MDGA2: variants seen among roughly 807,000 people sequenced by gnomAD.
MDGA2 encodes the protein MAM domain-containing glycosylphosphatidylinositol anchor protein 2.
In MDGA2, 40 loss-of-function variants were observed where a neutral mutation model predicts 117.8. That is an observed-to-expected ratio of 0.34 (90% CI 0.26 to 0.44). The LOEUF (loss-of-function observed/expected upper bound fraction) is 0.44. Among genes scored for constraint, MDGA2 ranks in the 20% least tolerant of loss-of-function variants. The pLI is 1.00. For missense variants in MDGA2, 1,123 were observed against 1,250.6 expected, an observed-to-expected ratio of 0.90 and a Z score of 1.54; for synonymous variants, 452 against 439.0, an observed-to-expected ratio of 1.03 and a Z score of -0.37.
chr14:47,409,366 C>T (rs1018354131), intron 1 of MDGA2, among the ~76,000 whole-genome samples: 9 of 152,116 alleles, frequency 5.9e-5, no homozygotes, highest in Admixed American at 2.6e-4. Flanking sequence ...TATAAAATTT[C>T]GGAGATTCTT....
chr14:47,199,427 A>G (rs1431186403), intron 3 of MDGA2, among the ~76,000 whole-genome samples: 1 of 152,178 alleles, frequency 6.6e-6, no homozygotes, highest in East Asian at 1.9e-4. Context: ...TAAAATATTC[A>G]CTTTCTACTA....
chr14:47,132,657 C>T (rs1222155236), intron 4 of MDGA2, among the ~76,000 whole-genome samples: 1 of 151,876 alleles, frequency 6.6e-6, no homozygotes, highest in Non-Finnish European at 1.5e-5. Flanking sequence ...AATTAGGTCC[C>T]CTGGGCTTTC....
intron 3 of MDGA2, among the ~76,000 whole-genome samples, chr14:47,186,623 T>C (rs576426601): frequency 6.6e-6 from 1 of 152,002 alleles, no homozygotes; most frequent in East Asian, 1.9e-4. Flanking sequence ...GTTTAGGAAA[T>C]TGTCAAGATT....
chr14:47,230,872 A>C (rs567088838), intron 2 of MDGA2, among the ~76,000 whole-genome samples: 1 of 151,990 alleles, frequency 6.6e-6, no homozygotes, highest in Non-Finnish European at 1.5e-5. Flanking sequence ...TGAATCAGAG[A>C]GCATTAACAG....
chr14:47,188,342 C>T (rs990443878), intron 3 of MDGA2, among the ~76,000 whole-genome samples: 1 of 152,202 alleles, frequency 6.6e-6, no homozygotes, highest in Admixed American at 6.5e-5. Context: ...CTCTTGCTTG[C>T]TTGCTCTAAG....
At chr14:47,511,525 A>C (rs2138694399) in intron 1 of MDGA2, among the ~76,000 whole-genome samples, 1 of 152,298 alleles carries the variant, frequency 6.6e-6, no homozygotes, top group South Asian at 2.1e-4. Context: ...CTATTAAATA[A>C]CTAAACTGTT....
intron 14 of MDGA2, among the ~76,000 whole-genome samples, chr14:46,858,919 C>T (rs1270631008): frequency 6.6e-6 from 1 of 152,102 alleles, no homozygotes; most frequent in Non-Finnish European, 1.5e-5. Flanking sequence ...TGTAATCTTT[C>T]TCAGAAGGCT....
chr14:47,141,102 C>G (rs111991684), intron 4 of MDGA2, among the ~76,000 whole-genome samples: 1 of 152,142 alleles, frequency 6.6e-6, no homozygotes, highest in Non-Finnish European at 1.5e-5. Flanking sequence ...GAGCTATCAC[C>G]TCCCTCCCAT....
At chr14:47,097,244 A>T in intron 5 of MDGA2, 121 bp from the exon 6 acceptor site, 2 of 998,530 alleles carry the variant, frequency 2.0e-6, no homozygotes, top group Non-Finnish European at 3.0e-6. Flanking sequence ...CTTTTGCCAA[A>T]ATCATACTGT....
intron 1 of MDGA2, among the ~76,000 whole-genome samples, chr14:47,626,711 C>G (rs1164999368): frequency 6.6e-6 from 1 of 152,178 alleles, no homozygotes; most frequent in Non-Finnish European, 1.5e-5. Context: ...CCAGCAGCTG[C>G]TGTGTTGGAT....
At chr14:47,391,174 T>C (rs1238397109) in intron 1 of MDGA2, among the ~76,000 whole-genome samples, 1 of 152,204 alleles carries the variant, frequency 6.6e-6, no homozygotes, top group Non-Finnish European at 1.5e-5. Context: ...GACCAAACTC[T>C]GGTAACACTT....
At chr14:47,587,856 T>C (rs1480959044) in intron 1 of MDGA2, among the ~76,000 whole-genome samples, 1 of 151,886 alleles carries the variant, frequency 6.6e-6, no homozygotes, top group Non-Finnish European at 1.5e-5. Flanking sequence ...AACTCCATAC[T>C]CAATAACAAT....
intron 1 of MDGA2, among the ~76,000 whole-genome samples, chr14:47,336,670 T>A (rs1890468528): frequency 6.6e-6 from 1 of 151,972 alleles, no homozygotes; most frequent in South Asian, 2.1e-4. Flanking sequence ...ACATTAATAA[T>A]GCAGTAAGAT....
intron 9 of MDGA2, among the ~76,000 whole-genome samples, chr14:46,956,023 C>T (rs959215702): frequency 2.0e-5 from 3 of 152,098 alleles, no homozygotes; most frequent in African/African-American, 7.2e-5. Flanking sequence ...TTCAAAGTTT[C>T]ATCCAGACAT....
At chr14:47,062,399 A>G (rs1363457621) in intron 6 of MDGA2, among the ~76,000 whole-genome samples, 4 of 152,088 alleles carry the variant, frequency 2.6e-5, no homozygotes, top group African/African-American at 9.6e-5. Flanking sequence ...GCATCTATAG[A>G]CTTTCTACTA....
intron 1 of MDGA2, among the ~76,000 whole-genome samples, chr14:47,425,820 T>C (rs1238157541): frequency 6.6e-6 from 1 of 152,128 alleles, no homozygotes; most frequent in African/African-American, 2.4e-5. Context: ...CCAGCTTTCC[T>C]TTATGTAAAA....
At chr14:46,933,810 AT>A (rs542376920) in intron 9 of MDGA2, among the ~76,000 whole-genome samples, 4 of 35,584 alleles carry the variant, frequency 1.1e-4, no homozygotes, top group Non-Finnish European at 2.2e-4. Flanking sequence ...ATATATATAT[AT>A]ATATATATAT....
At chr14:47,549,341 T>TTCTCTCTCTCTCTCTCTCTC (rs1411617142) in intron 1 of MDGA2, among the ~76,000 whole-genome samples, 3 of 64,704 alleles carry the variant, frequency 4.6e-5, no homozygotes, top group African/African-American at 9.5e-5. Flanking sequence ...TTCACCAGTA[T>TTCTCTCTCTCTCTCTCTCTC]TATCTCTCTC....
intron 12 of MDGA2, 59 bp downstream of exon 12, chr14:46,877,430 A>G: frequency 1.0e-6 from 1 of 968,374 alleles, no homozygotes; most frequent in Non-Finnish European, 1.5e-6. Flanking sequence ...ATATTTATAA[A>G]CATTATATTT....
Sources: allele counts gnomAD v4.1 joint callset (sites outside exome capture counted in the v4.1 genomes callset), GRCh38; gene constraint gnomAD v4.1.1; transcripts MANE v1.5; gene names NCBI Gene and HGNC (gene_info 2026-07-23, HGNC 2026-07-21).